The following KHDRBS2 variants were observed in gnomAD, a reference collection of about 807,000 sequenced individuals.
KHDRBS2 encodes the protein KH RNA binding domain containing, signal transduction associated 2.
In KHDRBS2, 26 loss-of-function variants were observed where a neutral mutation model predicts 44.3. The observed-to-expected ratio is 0.59, with a 90% CI of 0.43 to 0.81. The LOEUF (loss-of-function observed/expected upper bound fraction) is 0.81. Ranked by LOEUF, KHDRBS2 falls within the 40% of genes least tolerant of loss-of-function variation. The pLI is 0.00. For synonymous variants in KHDRBS2, 194 were observed against 151.1 expected, an observed-to-expected ratio of 1.28 and a Z score of -2.08; for missense variants, 476 against 433.1, an observed-to-expected ratio of 1.10 and a Z score of -0.88.
chr6:62,099,866 A>C (rs208977), intron 2 of KHDRBS2, among the ~76,000 whole-genome samples: 120,751 of 152,122 alleles, frequency 0.79, 48,505 homozygotes, highest in African/African-American at 0.91. Flanking sequence ...ATGTTGTTGT[A>C]ATGCCTACTA....
intron 1 of KHDRBS2, among the ~76,000 whole-genome samples, chr6:62,201,322 T>A (rs991326309): frequency 3.3e-5 from 5 of 151,848 alleles, no homozygotes; most frequent in Non-Finnish European, 7.4e-5. Flanking sequence ...ACAGAAAAGG[T>A]ATAGTTAGAA....
chr6:61,708,864 A>G (rs1302877481), intron 7 of KHDRBS2, among the ~76,000 whole-genome samples: 1 of 151,684 alleles, frequency 6.6e-6, no homozygotes, highest in Non-Finnish European at 1.5e-5. Flanking sequence ...AGAATAGCGA[A>G]GTCTCCATTC....
chr6:61,634,358 C>T, the KHDRBS2 span, among the ~76,000 whole-genome samples: 3 of 151,858 alleles, frequency 2.0e-5, no homozygotes, highest in Admixed American at 1.3e-4. Flanking sequence ...ATAATGGTAG[C>T]CATTTGGTTT....
intron 6 of KHDRBS2, among the ~76,000 whole-genome samples, chr6:61,788,999 T>G: frequency 6.6e-6 from 1 of 151,452 alleles, no homozygotes; most frequent in East Asian, 1.9e-4. Context: ...AATCATCGCT[T>G]TATCACTTAG....
intron 6 of KHDRBS2, among the ~76,000 whole-genome samples, chr6:61,862,517 A>G (rs565550281): frequency 6.6e-6 from 1 of 152,056 alleles, no homozygotes; most frequent in East Asian, 1.9e-4. Flanking sequence ...AATTGAGAAC[A>G]CTTAACATAA....
At chr6:61,779,214 CA>C (rs1468181355) in intron 6 of KHDRBS2, among the ~76,000 whole-genome samples, 1 of 151,858 alleles carries the variant, frequency 6.6e-6, no homozygotes, top group Non-Finnish European at 1.5e-5. Flanking sequence ...TTTAATGTCA[CA>C]AAAAATATTT....
At chr6:62,071,920 A>G (rs1795211957) in intron 2 of KHDRBS2, among the ~76,000 whole-genome samples, 1 of 152,080 alleles carries the variant, frequency 6.6e-6, no homozygotes, top group Non-Finnish European at 1.5e-5. Context: ...GAATCTATAA[A>G]TTACCTTGGA....
At chr6:61,772,370 T>C (rs1298246992) in intron 6 of KHDRBS2, among the ~76,000 whole-genome samples, 1 of 152,098 alleles carries the variant, frequency 6.6e-6, no homozygotes, top group Non-Finnish European at 1.5e-5. Flanking sequence ...AAAAAATTAA[T>C]GAATCCAGGA....
chr6:61,955,023 T>G (rs62646165), intron 4 of KHDRBS2, among the ~76,000 whole-genome samples: 1 of 139,376 alleles, frequency 7.2e-6, no homozygotes, highest in Non-Finnish European at 1.6e-5. Context: ...TATACACACA[T>G]ACATATATAC....
At chr6:62,006,947 T>C (rs1779354605) in intron 3 of KHDRBS2, among the ~76,000 whole-genome samples, 2 of 152,020 alleles carry the variant, frequency 1.3e-5, no homozygotes. Flanking sequence ...GAAATTCAAA[T>C]GTACTGAAAG....
intron 3 of KHDRBS2, among the ~76,000 whole-genome samples, chr6:62,046,093 A>G (rs1195913741): frequency 6.6e-6 from 1 of 151,864 alleles, no homozygotes; most frequent in Non-Finnish European, 1.5e-5. Context: ...TCATAGTCAA[A>G]CATGATGGAT....
chr6:62,159,852 A>T (rs1817260760), intron 2 of KHDRBS2, among the ~76,000 whole-genome samples: 1 of 152,172 alleles, frequency 6.6e-6, no homozygotes. Flanking sequence ...TCATCATAAA[A>T]GTCTTCATCC....
chr6:61,781,078 A>G (rs894333141), intron 6 of KHDRBS2, among the ~76,000 whole-genome samples: 1 of 152,208 alleles, frequency 6.6e-6, no homozygotes, highest in African/African-American at 2.4e-5. Context: ...CATCCCAAAC[A>G]TATTTTCTAA....
intron 3 of KHDRBS2, among the ~76,000 whole-genome samples, chr6:62,001,350 T>C (rs1196210045): frequency 6.6e-6 from 1 of 151,996 alleles, no homozygotes; most frequent in Non-Finnish European, 1.5e-5. Flanking sequence ...TTTGTGGGTG[T>C]ATGACGTAAA....
intron 6 of KHDRBS2, among the ~76,000 whole-genome samples, chr6:61,780,244 T>C (rs564358284): frequency 3.6e-4 from 55 of 152,336 alleles, no homozygotes; most frequent in African/African-American, 1.3e-3. Flanking sequence ...CTCATGCCTG[T>C]AATCCCAGCA....
chr6:61,984,714 G>A (rs544286728), intron 3 of KHDRBS2, among the ~76,000 whole-genome samples: 1 of 152,268 alleles, frequency 6.6e-6, no homozygotes, highest in African/African-American at 2.4e-5. Flanking sequence ...ACTCAGTACT[G>A]AGCAACTGCC....
intron 6 of KHDRBS2, among the ~76,000 whole-genome samples, chr6:61,803,564 A>C (rs1786634866): frequency 6.6e-6 from 1 of 152,140 alleles, no homozygotes; most frequent in African/African-American, 2.4e-5. Context: ...ACTATTGGGC[A>C]GTGTATTGGT....
At chr6:61,945,318 A>T (rs1166991209) in intron 4 of KHDRBS2, among the ~76,000 whole-genome samples, 1 of 150,888 alleles carries the variant, frequency 6.6e-6, no homozygotes, top group Admixed American at 6.6e-5. Flanking sequence ...CATTTATGAA[A>T]ATTTTCATAA....
Position 62,286,061 on chromosome 6 carries a change from G to GGGATCTCT in KHDRBS2, c.-121_-114dup. ...GCGCTGCTCCTCCTCCGCGCGGCGA[G>GGGATCTCT]GGATCTCTGTGCGTCCTCACTGGCC... On this transcript the variant is annotated 5_prime_UTR_variant, in exon 1 of 9. Coordinates refer to ENST00000281156, the MANE Select transcript of KHDRBS2 (RefSeq NM_152688.4). The GGGATCTCT allele has an allele frequency of 1.4e-6, 1 of 708,766 alleles. No homozygotes were observed. Among genetic ancestry groups the GGGATCTCT allele is most frequent in the Non-Finnish European group, 2.5e-6 (1 of 399,094 alleles). 43.9% of individuals were successfully genotyped at this position (708,766 alleles called of 1,614,324 possible). A position where few individuals can be genotyped will look rare whatever the true frequency, so the allele number is the denominator to read the frequency against.
Sources: gnomAD v4.1 joint callset for allele counts (sites outside exome capture counted in the v4.1 genomes callset) on GRCh38, gnomAD v4.1.1 for gene constraint, MANE v1.5 for transcripts, NCBI Gene and HGNC (gene_info 2026-07-23, HGNC 2026-07-21) for gene names.